The following GALNT17 variants were observed in gnomAD, a reference collection of about 807,000 sequenced individuals.
GALNT17 encodes the protein polypeptide N-acetylgalactosaminyltransferase 17.
GALNT17 carries 29 observed loss-of-function variants against 63.7 expected under a neutral mutation model. The ratio of observed to expected loss-of-function variants is 0.46; its 90% CI spans 0.34 to 0.62. The LOEUF (loss-of-function observed/expected upper bound fraction) is 0.62. GALNT17 is among the 20% of genes least tolerant of loss of function. The probability of loss-of-function intolerance (pLI) is 0.01; values close to 1 mark genes in which losing one functional copy is unlikely to be tolerated. For missense variants in GALNT17, 603 were observed against 799.6 expected (o/e 0.75, Z 2.97); for synonymous variants, 305 against 318.3 (o/e 0.96, Z 0.45).
At chr7:71,275,630 G>C (rs1790669505) in intron 1 of GALNT17, among the ~76,000 whole-genome samples, 1 of 152,170 alleles carries the variant, frequency 6.6e-6, no homozygotes, top group Non-Finnish European at 1.5e-5. Flanking sequence ...GCAGTTCCAT[G>C]GGGGACACAA....
At chr7:71,478,263 C>T (rs1017691266) in intron 5 of GALNT17, among the ~76,000 whole-genome samples, 1 of 152,056 alleles carries the variant, frequency 6.6e-6, no homozygotes, top group Admixed American at 6.6e-5. Context: ...TATGATCACT[C>T]TCCTTATGTT....
chr7:71,572,630 A>G (rs1789467112), intron 6 of GALNT17, among the ~76,000 whole-genome samples: 1 of 151,934 alleles, frequency 6.6e-6, no homozygotes, highest in South Asian at 2.1e-4. Context: ...CCTCCATCTA[A>G]TTACCACTGT....
At chr7:71,419,880 G>A (rs1786627894) in intron 4 of GALNT17, among the ~76,000 whole-genome samples, 1 of 152,228 alleles carries the variant, frequency 6.6e-6, no homozygotes, top group Non-Finnish European at 1.5e-5. Context: ...GCAGGTAATG[G>A]CCCAGGGTAT....
At chr7:71,312,932 A>G (rs1416081740) in intron 1 of GALNT17, among the ~76,000 whole-genome samples, 1 of 152,144 alleles carries the variant, frequency 6.6e-6, no homozygotes, top group Non-Finnish European at 1.5e-5. Flanking sequence ...CAGCATAGCA[A>G]GACCCCATCA....
intron 1 of GALNT17, among the ~76,000 whole-genome samples, chr7:71,256,280 C>A (rs1790288158): frequency 6.6e-6 from 1 of 152,168 alleles, no homozygotes; most frequent in Non-Finnish European, 1.5e-5. Flanking sequence ...ATGTATAAAA[C>A]CAAGTTATGG....
chr7:71,416,922 T>C (rs1786544211), intron 4 of GALNT17, among the ~76,000 whole-genome samples: 2 of 152,214 alleles, frequency 1.3e-5, no homozygotes, highest in South Asian at 4.1e-4. Context: ...ATTGGTTGAG[T>C]GTACGGGGAG....
intron 6 of GALNT17, among the ~76,000 whole-genome samples, chr7:71,619,428 A>G (rs980775585): frequency 2.0e-5 from 3 of 151,650 alleles, no homozygotes; most frequent in African/African-American, 4.8e-5. Flanking sequence ...CCATGAGCAT[A>G]GAATGCTTTT....
chr7:71,219,111 T>C (rs1465257247), intron 1 of GALNT17, among the ~76,000 whole-genome samples: 1 of 152,186 alleles, frequency 6.6e-6, no homozygotes, highest in Admixed American at 6.5e-5. Flanking sequence ...ATGTCCCATC[T>C]CATATGATAT....
At chr7:71,585,444 A>C (rs1789700964) in intron 6 of GALNT17, among the ~76,000 whole-genome samples, 1 of 152,226 alleles carries the variant, frequency 6.6e-6, no homozygotes, top group Admixed American at 6.5e-5. Context: ...TCTTCCATTA[A>C]AAGTAACTTT....
chr7:71,199,118 A>C (rs1361357202), intron 1 of GALNT17, among the ~76,000 whole-genome samples: 1 of 152,208 alleles, frequency 6.6e-6, no homozygotes, highest in Non-Finnish European at 1.5e-5. Flanking sequence ...TTATCTGTCA[A>C]GAATGACTCA....
At chr7:71,701,843 G>GTATA (rs748494176) in intron 9 of GALNT17, among the ~76,000 whole-genome samples, 2,947 of 28,080 alleles carry the variant, frequency 0.1, 119 homozygotes, top group African/African-American at 0.16. Context: ...ATATATATGT[G>GTATA]TATATATATA....
intron 1 of GALNT17, among the ~76,000 whole-genome samples, chr7:71,265,118 ATTTTTTTTTTTTTT>A (rs60738546): frequency 8.0e-5 from 3 of 37,460 alleles, no homozygotes; most frequent in Non-Finnish European, 1.4e-4. Context: ...ATATATATAT[ATTTTTTTTTTTTTT>A]TTTTTTTTTT....
intron 1 of GALNT17, among the ~76,000 whole-genome samples, chr7:71,331,476 G>C (rs1050073952): frequency 6.6e-6 from 1 of 152,170 alleles, no homozygotes; most frequent in African/African-American, 2.4e-5. Flanking sequence ...GGGAGGCCAA[G>C]GTGGGAGAAT....
intron 5 of GALNT17, among the ~76,000 whole-genome samples, chr7:71,515,337 A>G (rs1788428076): frequency 6.6e-6 from 1 of 152,120 alleles, no homozygotes; most frequent in South Asian, 2.1e-4. Flanking sequence ...GATTCCTGCT[A>G]GTGGAATGCA....
intron 9 of GALNT17, among the ~76,000 whole-genome samples, chr7:71,696,987 G>T (rs1791555369): frequency 3.3e-5 from 5 of 152,114 alleles, no homozygotes; most frequent in Admixed American, 3.3e-4. Flanking sequence ...CTGGGTGGGG[G>T]CTATATGGAG....
At chr7:71,277,323 A>G (rs1294962770) in intron 1 of GALNT17, among the ~76,000 whole-genome samples, 1 of 152,138 alleles carries the variant, frequency 6.6e-6, no homozygotes, top group East Asian at 1.9e-4. Context: ...TGGAAATGAT[A>G]GACACTGGGG....
At chr7:71,168,581 A>C (rs1323905883) in intron 1 of GALNT17, among the ~76,000 whole-genome samples, 1 of 152,126 alleles carries the variant, frequency 6.6e-6, no homozygotes, top group East Asian at 1.9e-4. Flanking sequence ...CAAAAAAAAA[A>C]GAAAATTCTA....
chr7:71,241,038 G>T (rs1789986994), intron 1 of GALNT17, among the ~76,000 whole-genome samples: 2 of 152,208 alleles, frequency 1.3e-5, no homozygotes, highest in Admixed American at 6.5e-5. Context: ...GGAAATGGCA[G>T]CATTTTGGGG....
chr7:71,438,172 G>A (rs917980531), intron 5 of GALNT17, among the ~76,000 whole-genome samples: 3 of 152,162 alleles, frequency 2.0e-5, no homozygotes, highest in Non-Finnish European at 4.4e-5. Flanking sequence ...GGTTTAATAA[G>A]TATTAACTCA....
Sources: allele counts gnomAD v4.1 joint callset (sites outside exome capture counted in the v4.1 genomes callset), GRCh38; gene constraint gnomAD v4.1.1; transcripts MANE v1.5; gene names NCBI Gene and HGNC (gene_info 2026-07-23, HGNC 2026-07-21).